Variants in TTC39A observed in about 807,000 individuals in gnomAD.
The protein encoded by TTC39A is tetratricopeptide repeat domain 39A.
Under a neutral mutation model 82.3 loss-of-function variants are expected in TTC39A, and 46 were observed. The ratio of observed to expected loss-of-function variants is 0.56; its 90% CI spans 0.44 to 0.71. The LOEUF is 0.71. Ranked by LOEUF, TTC39A falls within the 30% of genes least tolerant of loss-of-function variation. The pLI, the probability that TTC39A is intolerant of heterozygous loss-of-function variation, is 0.00. For missense variants in TTC39A, 543 were observed against 712.9 expected, an observed-to-expected ratio of 0.76 and a Z score of 2.71; for synonymous variants, 254 against 275.2, an observed-to-expected ratio of 0.92 and a Z score of 0.76.
intron 1 of TTC39A, among the ~76,000 whole-genome samples, chr1:51,339,304 G>C (rs1440497630): frequency 6.6e-6 from 1 of 152,188 alleles, no homozygotes; most frequent in East Asian, 1.9e-4. Context: ...TTTTGGCAGG[G>C]TGTCATGGGG....
intron 5 of TTC39A, 114 bp downstream of exon 5, chr1:51,311,140 A>G (rs2148224196): frequency 4.1e-6 from 4 of 970,568 alleles, no homozygotes; most frequent in South Asian, 1.7e-5. Flanking sequence ...ACAGGGGATG[A>G]GTCGTGGTTG....
At chr1:51,328,093 A>G (rs1645779322) in intron 1 of TTC39A, among the ~76,000 whole-genome samples, 1 of 152,150 alleles carries the variant, frequency 6.6e-6, no homozygotes, top group African/African-American at 2.4e-5. Context: ...TACTCCTGTA[A>G]TCCCAGCACT....
chr1:51,291,554 G>A (rs952664635), intron 14 of TTC39A, among the ~76,000 whole-genome samples: 7 of 147,344 alleles, frequency 4.8e-5, no homozygotes, highest in Admixed American at 1.4e-4. Flanking sequence ...GAAGGCTTAG[G>A]CAGGTGGATC....
At chr1:51,309,149 G>A in intron 6 of TTC39A, 112 bp downstream of exon 6, 2 of 1,343,032 alleles carry the variant, frequency 1.5e-6, no homozygotes, top group Non-Finnish European at 2.0e-6. Flanking sequence ...AGTCTACTAG[G>A]TTCTGGCCTC....
intron 1 of TTC39A, among the ~76,000 whole-genome samples, chr1:51,325,265 A>C (rs1450818341): frequency 6.6e-6 from 1 of 152,026 alleles, no homozygotes; most frequent in Non-Finnish European, 1.5e-5. Flanking sequence ...AAAAAAAAAA[A>C]AAAAACCACA....
At chr1:51,344,999 G>C (rs1246487305) in exon 1 of TTC39A, 1 of 1,523,586 alleles carries the variant, frequency 6.6e-7, no homozygotes, top group Non-Finnish European at 8.8e-7. Flanking sequence ...ACCTGCGGTC[G>C]CTTTTCCCGG....
chr1:51,332,571 TTTTTGAGCACTGTA>T (rs1645927126), upstream of TTC39A, among the ~76,000 whole-genome samples: 1 of 152,248 alleles, frequency 6.6e-6, no homozygotes, highest in South Asian at 2.1e-4. Context: ...AACTTGAAGC[TTTTTGAGCACTGTA>T]GTTGGAGACT....
upstream of TTC39A, chr1:51,331,356 C>G: frequency 6.7e-7 from 1 of 1,500,180 alleles, no homozygotes; most frequent in South Asian, 1.3e-5. Flanking sequence ...CAGAAAGCCA[C>G]TGGCCCATGA....
chr1:51,293,827 T>C (rs948640736), intron 14 of TTC39A, among the ~76,000 whole-genome samples: 1 of 152,210 alleles, frequency 6.6e-6, no homozygotes, highest in African/African-American at 2.4e-5. Context: ...GGCAAGTTAT[T>C]TGATCTTTCT....
chr1:51,294,628 C>A lies in TTC39A; in HGVS notation c.1146-117G>T. 4.8e-6 allele frequency: 7 copies of A among 1,456,396 alleles called. No homozygotes were observed. In the South Asian group the frequency reaches 7.6e-5, roughly 16 times the overall value. The allele number at this position is 1,456,396 out of a possible 1,614,324, so 90.2% of individuals were successfully genotyped here. On this transcript the variant is annotated intron_variant, in intron 13 of 17. Coordinates refer to ENST00000680483, the MANE Select transcript of TTC39A (RefSeq NM_001297663.2). This position sits in a 1 kb window ranked among gnomAD's most constrained non-coding sequence, Gnocchi z 4.3. Reference sequence around the variant, plus strand: ...CTGGGCCTCAGTTTCCCCATCTGCACAATGACAGTGTTAGACTCTAAAGAG... The same window carrying A: ...CTGGGCCTCAGTTTCCCCATCTGCAAAATGACAGTGTTAGACTCTAAAGAG...
chr1:51,290,522 T>C lies in TTC39A; in HGVS notation c.1370A>G (p.Lys457Arg), dbSNP rs775098140. 4.3e-6 allele frequency: 7 copies of C among 1,613,646 alleles called. No homozygotes were observed. Among genetic ancestry groups the C allele is most frequent in the Admixed American group, 1.7e-5 (1 of 59,990 alleles). The change falls in exon 15 of 18, where the codon AAA becomes AGA. Residue 457 changes from lysine (K) to arginine (R), a missense_variant. Transcript: ENST00000680483. The stretch of plus-strand genomic sequence containing the variant: ...GGCCTGAGGGAAGTCACCTGGGCCT[T>C]TCTCCAGCATCTCTTCAGCCTTAGT... Reference protein sequence around the residue: ...IITKAEEMLEKGPENEYSVDD... With the variant: ...IITKAEEMLERGPENEYSVDD...
At chr1:51,331,794 C>T (rs1645915733), upstream of TTC39A, 2 of 985,424 alleles carry the variant, frequency 2.0e-6, no homozygotes, top group South Asian at 9.4e-5. Flanking sequence ...TGACATCCAC[C>T]AGCAACTATA....
upstream of TTC39A, among the ~76,000 whole-genome samples, chr1:51,336,011 C>T (rs1394446651): frequency 6.6e-6 from 1 of 151,966 alleles, no homozygotes; most frequent in East Asian, 1.9e-4. Context: ...CAGGCCTTTC[C>T]CTGGCATGAA....
At chr1:51,322,022 A>T (rs1645544269) in intron 1 of TTC39A, 197 bp from the exon 2 acceptor site, 20 of 1,476,512 alleles carry the variant, frequency 1.4e-5, no homozygotes, top group Non-Finnish European at 1.7e-5. Flanking sequence ...CAAGGGTGGG[A>T]GGGGGAGCAG....
chr1:51,304,994 C>A, intron 8 of TTC39A, 87 bp downstream of exon 8: 2 of 1,437,032 alleles, frequency 1.4e-6, no homozygotes, highest in Non-Finnish European at 2.0e-6. Context: ...GGCTCCTAGG[C>A]CCTGTGGCCT....
intron 12 of TTC39A, 26 bp from the exon 13 acceptor site, chr1:51,296,196 G>GT: frequency 6.4e-7 from 1 of 1,566,256 alleles, no homozygotes. Flanking sequence ...CAACAGCCAG[G>GT]TGTGAGCAGC....
chr1:51,314,859 A>G (rs2148244013), intron 2 of TTC39A, among the ~76,000 whole-genome samples: 1 of 152,254 alleles, frequency 6.6e-6, no homozygotes, highest in East Asian at 1.9e-4. Flanking sequence ...TCTTCTCCCC[A>G]ATGGGTTTTT....
At position 51,290,330 on chromosome 1, in the gene TTC39A, G is replaced by A. The variant is rs373716832; in HGVS notation, c.1378+184C>T. ...GCACTGAAGGAAGCCCCAAGGCTGC[G>A]GGAGCCCAGAGGCTTTGACCCTACC... On this transcript the variant is annotated intron_variant, in intron 15 of 17. Coordinates refer to ENST00000680483, the MANE Select transcript of TTC39A (RefSeq NM_001297663.2). Among the ~76,000 whole-genome samples, 217 of 152,318 alleles carry A rather than the reference G, an allele frequency of 1.4e-3. 1 individual carries two copies. Among genetic ancestry groups the A allele is most frequent in the African/African-American group, 4.7e-3 (195 of 41,562 alleles).
chr1:51,311,184 TG>T, intron 5 of TTC39A, 69 bp downstream of exon 5: 1 of 1,442,900 alleles, frequency 6.9e-7, no homozygotes. Context: ...CTCTAGGGGA[TG>T]GGTCATGGTT....
Sources: gnomAD v4.1 joint callset for allele counts (sites outside exome capture counted in the v4.1 genomes callset) on GRCh38, gnomAD v4.1.1 for gene constraint, Gnocchi (gnomAD v3.1) non-coding constraint, MANE v1.5 for transcripts, NCBI Gene and HGNC (gene_info 2026-07-23, HGNC 2026-07-21) for gene names.